Variants in HRH1 observed in about 807,000 individuals in gnomAD.
HRH1 encodes histamine receptor H1, also known as histamine H1 receptor.
HRH1 carries 6 observed loss-of-function variants against 10.3 expected under a neutral mutation model. That is an observed-to-expected ratio of 0.58 (90% CI 0.32 to 1.15). HRH1 has a LOEUF of 1.15. Among genes scored for constraint, HRH1 ranks in the 50% most tolerant of loss-of-function variants. HRH1 has a pLI of 0.05. For missense variants in HRH1, 514 were observed against 615.3 expected (o/e 0.84, Z 1.74); for synonymous variants, 242 against 236.7 (o/e 1.02, Z -0.21).
rs534314458 is a variant in HRH1 at position 11,239,833 on chromosome 3, A to G, written c.-35-19170A>G. ...AGTGGCAGCCCCCCACCCCCACTTAACCCCACTTATAAAATCTGGAGATTT... is the reference window on the plus strand; with the variant it reads ...AGTGGCAGCCCCCCACCCCCACTTAGCCCCACTTATAAAATCTGGAGATTT... On this transcript the variant is annotated intron_variant, in intron 1 of 1. Coordinates refer to ENST00000431010, the MANE Select transcript of HRH1 (RefSeq NM_001098212.2). Among the ~76,000 whole-genome samples, 144 of 151,718 alleles carry G rather than the reference A, an allele frequency of 9.5e-4. 2 individuals are homozygous for G. The highest frequency in any genetic ancestry group is 2.1e-3 in the South Asian group (10 of 4,790).
At chr3:11,181,724 C>T (rs1051517832) in intron 1 of HRH1, among the ~76,000 whole-genome samples, 4 of 151,372 alleles carry the variant, frequency 2.6e-5, no homozygotes, top group East Asian at 1.9e-4. Flanking sequence ...CTCTGCCTCC[C>T]GGGTTTACAA....
intron 1 of HRH1, among the ~76,000 whole-genome samples, chr3:11,236,726 A>G (rs1301191594): frequency 6.6e-6 from 1 of 152,246 alleles, no homozygotes; most frequent in African/African-American, 2.4e-5. Context: ...CTATATATAA[A>G]TATATAAATA....
At chr3:11,238,173 C>T (rs1297800795) in intron 1 of HRH1, among the ~76,000 whole-genome samples, 1 of 152,144 alleles carries the variant, frequency 6.6e-6, no homozygotes, top group Admixed American at 6.5e-5. Flanking sequence ...GACAAACAAT[C>T]AAACAAGTTC....
intron 1 of HRH1, among the ~76,000 whole-genome samples, chr3:11,228,744 T>C (rs778568892): frequency 5.3e-5 from 8 of 151,924 alleles, no homozygotes; most frequent in Non-Finnish European, 1.0e-4. Context: ...AAACCCCATC[T>C]CTATTAAAAA....
At chr3:11,203,617 C>T (rs1466446316) in intron 1 of HRH1, among the ~76,000 whole-genome samples, 1 of 152,176 alleles carries the variant, frequency 6.6e-6, no homozygotes, top group East Asian at 1.9e-4. Context: ...AAGAATTTTT[C>T]TCCATTGTAT....
In HRH1 at chr3:11,263,487, G is replaced by C. The variant is rs925208271; in HGVS notation, c.*2986G>C. 1 of 163,622 alleles carries C rather than the reference G, an allele frequency of 6.1e-6. No homozygotes were observed. Among genetic ancestry groups the C allele is most frequent in the African/African-American group, 2.4e-5 (1 of 41,444 alleles). 10.1% of individuals were successfully genotyped at this position (163,622 alleles called of 1,614,324 possible). On this transcript the variant is annotated 3_prime_UTR_variant, in exon 2 of 2. Coordinates refer to ENST00000431010, the MANE Select transcript of HRH1 (RefSeq NM_001098212.2). The stretch of plus-strand genomic sequence containing the variant: ...AGATGGCTGGAGTCCAGGAGTTCGA[G>C]ACAAGCCTGGGCACCATGGTGAAAT...
intron 1 of HRH1, among the ~76,000 whole-genome samples, chr3:11,147,316 A>G (rs1936473372): frequency 6.6e-6 from 1 of 152,204 alleles, no homozygotes; most frequent in Admixed American, 6.5e-5. Context: ...AAAGAAAGGG[A>G]GAGAAAGAAC....
intron 1 of HRH1, among the ~76,000 whole-genome samples, chr3:11,196,148 G>T (rs1937642073): frequency 1.3e-5 from 2 of 152,146 alleles, no homozygotes; most frequent in Non-Finnish European, 2.9e-5. Flanking sequence ...GGTGTTCTTA[G>T]GCTGGAGGCA....
At position 11,157,618 on chromosome 3, in the gene HRH1, G is replaced by A. The variant is rs772464760; in HGVS notation, c.-36+3064G>A. Among the ~76,000 whole-genome samples the A allele has an allele frequency of 2.6e-5, 4 of 152,198 alleles. No individual in the cohort carries two copies. The East Asian group carries it at 7.7e-4, about 29-fold the overall frequency. ...ATGCTGCTGATGCTGTCGGAGGGGG[G>A]GCCAGGATGCCTTGCCTCTTTTATG... On this transcript the variant is annotated intron_variant, in intron 1 of 1. Transcript: ENST00000431010.
At chr3:11,193,185 C>A (rs895396904) in intron 1 of HRH1, among the ~76,000 whole-genome samples, 1 of 152,198 alleles carries the variant, frequency 6.6e-6, no homozygotes, top group Non-Finnish European at 1.5e-5. Flanking sequence ...CTAATCATAG[C>A]AAAATCCTTT....
chr3:11,169,761 C>T (rs2125012203), intron 1 of HRH1, among the ~76,000 whole-genome samples: 1 of 152,338 alleles, frequency 6.6e-6, no homozygotes, highest in South Asian at 2.1e-4. Flanking sequence ...AGCCTTCTGG[C>T]TACTTTTGTG....
At chr3:11,237,981 C>T (rs1007730374) in intron 1 of HRH1, among the ~76,000 whole-genome samples, 1 of 152,144 alleles carries the variant, frequency 6.6e-6, no homozygotes, top group African/African-American at 2.4e-5. Flanking sequence ...CAGCCTCTCC[C>T]TTGCTTTTTG....
At chr3:11,165,482 TAC>T (rs1366104140) in intron 1 of HRH1, among the ~76,000 whole-genome samples, 3 of 152,130 alleles carry the variant, frequency 2.0e-5, no homozygotes, top group Non-Finnish European at 4.4e-5. Context: ...TTTCCTCTGT[TAC>T]AGGGAAAACA....
At chr3:11,144,944 C>T (rs1369176157) in intron 1 of HRH1, among the ~76,000 whole-genome samples, 3 of 152,128 alleles carry the variant, frequency 2.0e-5, no homozygotes, top group Non-Finnish European at 4.4e-5. Flanking sequence ...TCCACCTTGC[C>T]ATGAAAGGCA....
intron 1 of HRH1, among the ~76,000 whole-genome samples, chr3:11,237,191 A>T (rs1045768854): frequency 6.6e-6 from 1 of 152,188 alleles, no homozygotes; most frequent in East Asian, 1.9e-4. Context: ...AATTCCTTGG[A>T]ATCTTTATTT....
At chr3:11,141,047 A>G (rs1231879213) in intron 1 of HRH1, among the ~76,000 whole-genome samples, 1 of 152,162 alleles carries the variant, frequency 6.6e-6, no homozygotes, top group Non-Finnish European at 1.5e-5. Flanking sequence ...AGGCCCAAGT[A>G]GAAGCCAGAA....
intron 1 of HRH1, among the ~76,000 whole-genome samples, chr3:11,249,467 G>A (rs868704573): frequency 1.3e-5 from 2 of 151,288 alleles, no homozygotes; most frequent in Non-Finnish European, 2.9e-5. Context: ...AGGAGGTGGA[G>A]GAGCAATGAA....
At chr3:11,144,437 A>G (rs62248178) in intron 1 of HRH1, among the ~76,000 whole-genome samples, 40,802 of 90,962 alleles carry the variant, frequency 0.45, 7,123 homozygotes, top group Admixed American at 0.56. Context: ...ACATATAGAC[A>G]TATAGACATA....
intron 1 of HRH1, among the ~76,000 whole-genome samples, chr3:11,250,867 A>G (rs1306426315): frequency 6.6e-6 from 1 of 152,020 alleles, no homozygotes; most frequent in Non-Finnish European, 1.5e-5. Context: ...TTTTCTGCGC[A>G]CTCTGAAACG....
Sources: gnomAD v4.1 joint callset for allele counts (sites outside exome capture counted in the v4.1 genomes callset) on GRCh38, gnomAD v4.1.1 for gene constraint, MANE v1.5 for transcripts, NCBI Gene and HGNC (gene_info 2026-07-23, HGNC 2026-07-21) for gene names.